EPHA3: variants seen among roughly 807,000 people sequenced by gnomAD.
The protein encoded by EPHA3 is ephrin type-A receptor 3.
Under a neutral mutation model 107.1 loss-of-function variants are expected in EPHA3, and 42 were observed. That is an observed-to-expected ratio of 0.39 (90% CI 0.31 to 0.51). EPHA3 has a LOEUF of 0.51. Among genes scored for constraint, EPHA3 ranks in the 20% least tolerant of loss-of-function variants. EPHA3 has a pLI of 0.78. For synonymous variants in EPHA3, 461 were observed against 424.8 expected (o/e 1.09, Z -1.05); for missense variants, 1,183 against 1,211.2 (o/e 0.98, Z 0.35).
At chr3:89,447,839 A>T (rs906898646) in intron 13 of EPHA3, among the ~76,000 whole-genome samples, 1 of 152,166 alleles carries the variant, frequency 6.6e-6, no homozygotes, top group Non-Finnish European at 1.5e-5. Flanking sequence ...CAAGGCTTAG[A>T]AACTTGTCCC....
intron 2 of EPHA3, among the ~76,000 whole-genome samples, chr3:89,183,267 C>T (rs1705485905): frequency 6.6e-6 from 1 of 151,896 alleles, no homozygotes; most frequent in Admixed American, 6.6e-5. Flanking sequence ...AAATGGACTG[C>T]ACAAGGATGG....
intron 7 of EPHA3, among the ~76,000 whole-genome samples, chr3:89,405,699 T>C (rs1197651297): frequency 2.6e-5 from 4 of 152,152 alleles, no homozygotes; most frequent in Non-Finnish European, 5.9e-5. Context: ...GGGGAGGTGA[T>C]AGTATTCAGA....
chr3:89,427,500 G>A (rs370982874), intron 11 of EPHA3, among the ~76,000 whole-genome samples: 14 of 151,902 alleles, frequency 9.2e-5, no homozygotes, highest in African/African-American at 3.4e-4. Flanking sequence ...TTGCTTATGA[G>A]TTTTCAGCAG....
chr3:89,456,839 A>G (rs1710107222), intron 15 of EPHA3, among the ~76,000 whole-genome samples: 1 of 152,348 alleles, frequency 6.6e-6, no homozygotes, highest in African/African-American at 2.4e-5. Flanking sequence ...CATCAGTACA[A>G]GGCTACAGAT....
intron 15 of EPHA3, among the ~76,000 whole-genome samples, chr3:89,458,902 A>G (rs913403424): frequency 6.6e-6 from 1 of 152,218 alleles, no homozygotes; most frequent in African/African-American, 2.4e-5. Flanking sequence ...GCTGGAGACC[A>G]TCATTCTCAG....
At chr3:89,191,903 A>G (rs1432140168) in intron 2 of EPHA3, among the ~76,000 whole-genome samples, 2 of 152,222 alleles carry the variant, frequency 1.3e-5, no homozygotes, top group Non-Finnish European at 2.9e-5. Flanking sequence ...CCTGATTTCA[A>G]TAAGATATAT....
chr3:89,444,125 T>C (rs1457036119), intron 13 of EPHA3, among the ~76,000 whole-genome samples: 2 of 152,160 alleles, frequency 1.3e-5, no homozygotes, highest in African/African-American at 4.8e-5. Flanking sequence ...TCATGTGAGT[T>C]AATACTCCTT....
At chr3:89,382,271 G>A (rs758365955) in intron 5 of EPHA3, among the ~76,000 whole-genome samples, 2 of 152,168 alleles carry the variant, frequency 1.3e-5, no homozygotes, top group Admixed American at 6.5e-5. Context: ...ACTTTGAGAG[G>A]CAAAGCTGGG....
chr3:89,127,183 T>G (rs368848126), intron 1 of EPHA3, 26 bp from the exon 2 acceptor site: 44 of 1,567,752 alleles, frequency 2.8e-5, no homozygotes, highest in Non-Finnish European at 3.7e-5. Context: ...TTATTAACTG[T>G]GTTTGTGTAT....
Position 89,399,426 on chromosome 3 carries a change from G to C in EPHA3, c.1540G>C (p.Ala514Pro), listed in dbSNP as rs747853999. The change falls in exon 7 of 17, where the codon GCC becomes CCC. Residue 514 changes from alanine (A) to proline (P), a missense_variant. Coordinates refer to ENST00000336596, the MANE Select transcript of EPHA3 (RefSeq NM_005233.6). ...CGTATTCCAAATCCGAGCCCGAACA[G>C]CCGCTGGATATGGGACGAACAGCCG... is the stretch of plus-strand genomic sequence containing the variant. The part of the protein sequence containing the change: ...IYVFQIRART[A>P]AGYGTNSRKF... 3.7e-6 allele frequency: 6 copies of C among 1,614,104 alleles called. No individual in the cohort carries two copies. Among genetic ancestry groups the C allele is most frequent in the Non-Finnish European group, 5.1e-6 (6 of 1,180,012 alleles).
intron 3 of EPHA3, among the ~76,000 whole-genome samples, chr3:89,235,670 A>G (rs1192085861): frequency 6.6e-6 from 1 of 151,990 alleles, no homozygotes; most frequent in Non-Finnish European, 1.5e-5. Flanking sequence ...AACATGGTGT[A>G]TCTATAAACC....
chr3:89,326,554 T>A (rs2107389861), intron 3 of EPHA3, among the ~76,000 whole-genome samples: 1 of 152,130 alleles, frequency 6.6e-6, no homozygotes, highest in South Asian at 2.1e-4. Flanking sequence ...CACACCCTGC[T>A]AATTTTTGTA....
At chr3:89,297,314 C>A (rs1372447023) in intron 3 of EPHA3, among the ~76,000 whole-genome samples, 1 of 152,074 alleles carries the variant, frequency 6.6e-6, no homozygotes, top group African/African-American at 2.4e-5. Flanking sequence ...AAGAGGCATG[C>A]AATACTTTCT....
chr3:89,261,272 C>T (rs189505797), intron 3 of EPHA3, among the ~76,000 whole-genome samples: 2 of 152,282 alleles, frequency 1.3e-5, no homozygotes, highest in Admixed American at 6.5e-5. Flanking sequence ...GTCACTCGTG[C>T]CTCAGACTGT....
chr3:89,140,864 T>C (rs1704416248), intron 2 of EPHA3, among the ~76,000 whole-genome samples: 1 of 151,750 alleles, frequency 6.6e-6, no homozygotes, highest in Non-Finnish European at 1.5e-5. Flanking sequence ...TAGCTCCTGC[T>C]GTGTACTAGG....
chr3:89,376,493 A>G (rs1354511936), intron 5 of EPHA3, among the ~76,000 whole-genome samples: 2 of 151,896 alleles, frequency 1.3e-5, no homozygotes, highest in Non-Finnish European at 2.9e-5. Context: ...TTCCTTCTAT[A>G]TCAACTGTGA....
intron 1 of EPHA3, among the ~76,000 whole-genome samples, chr3:89,124,461 C>T (rs1048963774): frequency 2.0e-5 from 3 of 151,904 alleles, no homozygotes; most frequent in African/African-American, 4.8e-5. Context: ...AATTCTTAGA[C>T]GGTGTTATTT....
chr3:89,415,368 T>G (rs1309254840), intron 10 of EPHA3, among the ~76,000 whole-genome samples: 2 of 149,476 alleles, frequency 1.3e-5, no homozygotes, highest in Non-Finnish European at 3.0e-5. Context: ...AAAAATTTAA[T>G]AATTATTCTA....
intron 2 of EPHA3, among the ~76,000 whole-genome samples, chr3:89,139,241 A>G (rs1704376639): frequency 1.3e-5 from 2 of 151,878 alleles, no homozygotes; most frequent in African/African-American, 4.8e-5. Context: ...GATGGTCTAT[A>G]CTTGGATACT....
Sources: gnomAD v4.1 joint callset for allele counts (sites outside exome capture counted in the v4.1 genomes callset) on GRCh38, gnomAD v4.1.1 for gene constraint, MANE v1.5 for transcripts, NCBI Gene and HGNC (gene_info 2026-07-23, HGNC 2026-07-21) for gene names.